SPAG16: variants seen among roughly 807,000 people sequenced by gnomAD.
SPAG16 encodes the protein sperm-associated antigen 16 protein.
Under a neutral mutation model 80.4 loss-of-function variants are expected in SPAG16, and 86 were observed. That is an observed-to-expected ratio of 1.07 (90% CI 0.90 to 1.28). The LOEUF is 1.28. SPAG16 is among the 50% of genes most tolerant of loss of function. SPAG16 has a pLI of 0.00. For missense variants in SPAG16, 870 were observed against 765.3 expected (o/e 1.14, Z -1.61); for synonymous variants, 294 against 265.9 (o/e 1.11, Z -1.03).
chr2:213,533,103 T>G (rs1207376699), intron 10 of SPAG16, among the ~76,000 whole-genome samples: 3 of 152,194 alleles, frequency 2.0e-5, no homozygotes, highest in Non-Finnish European at 4.4e-5. Flanking sequence ...TACTTCTATG[T>G]GTATATGTAG....
At chr2:213,866,326 T>TA (rs1237709740) in intron 11 of SPAG16, among the ~76,000 whole-genome samples, 1 of 151,894 alleles carries the variant, frequency 6.6e-6, no homozygotes, top group African/African-American at 2.4e-5. Flanking sequence ...TGCAAAACTT[T>TA]AAAAAATGAT....
chr2:214,308,406 A>G (rs1695070850), intron 15 of SPAG16, among the ~76,000 whole-genome samples: 1 of 152,074 alleles, frequency 6.6e-6, no homozygotes, highest in Non-Finnish European at 1.5e-5. Flanking sequence ...TAGTATTGGT[A>G]TGTGTGGATT....
chr2:213,987,757 T>C (rs1218139748), intron 12 of SPAG16, among the ~76,000 whole-genome samples: 1 of 150,112 alleles, frequency 6.7e-6, no homozygotes, highest in Non-Finnish European at 1.5e-5. Context: ...TAAATTCTAA[T>C]AAATGGCATA....
At chr2:213,750,752 T>C (rs2068042948) in intron 10 of SPAG16, among the ~76,000 whole-genome samples, 1 of 152,230 alleles carries the variant, frequency 6.6e-6, no homozygotes, top group Non-Finnish European at 1.5e-5. Context: ...ATGTGGAAGG[T>C]GGAAAGCAGT....
chr2:214,280,920 CT>C, intron 15 of SPAG16: 1 of 433,334 alleles, frequency 2.3e-6, no homozygotes, highest in South Asian at 2.0e-5. Context: ...GACATTCTGG[CT>C]GATAATGTGC....
intron 7 of SPAG16, among the ~76,000 whole-genome samples, chr2:213,358,133 G>T (rs1436310772): frequency 6.6e-6 from 1 of 152,174 alleles, no homozygotes; most frequent in Non-Finnish European, 1.5e-5. Context: ...TCTGCTGTTA[G>T]TCTGATGAGC....
chr2:214,161,132 T>C (rs1328713520), intron 15 of SPAG16, among the ~76,000 whole-genome samples: 1 of 152,190 alleles, frequency 6.6e-6, no homozygotes, highest in Non-Finnish European at 1.5e-5. Flanking sequence ...TAACATGATC[T>C]TGTTCCTTTC....
At chr2:213,619,283 A>C (rs2061695526) in intron 10 of SPAG16, among the ~76,000 whole-genome samples, 1 of 152,168 alleles carries the variant, frequency 6.6e-6, no homozygotes, top group Non-Finnish European at 1.5e-5. Context: ...ATGGTTCAGG[A>C]CAGTCAACAA....
intron 15 of SPAG16, among the ~76,000 whole-genome samples, chr2:214,294,979 G>T (rs548274149): frequency 6.6e-6 from 1 of 152,294 alleles, no homozygotes; most frequent in South Asian, 2.1e-4. Flanking sequence ...GAATGATAAT[G>T]CCTGTATCCC....
intron 15 of SPAG16, among the ~76,000 whole-genome samples, chr2:214,228,210 T>A (rs1688414151): frequency 6.6e-6 from 1 of 151,964 alleles, no homozygotes; most frequent in African/African-American, 2.4e-5. Context: ...CAATTATTAT[T>A]CAAGTTTGTT....
intron 10 of SPAG16, among the ~76,000 whole-genome samples, chr2:213,707,307 G>A (rs971429001): frequency 2.6e-5 from 4 of 152,094 alleles, no homozygotes; most frequent in Admixed American, 6.6e-5. Context: ...CATTAAAAAC[G>A]TATTTCTTCA....
chr2:213,871,292 G>T (rs572740382), intron 11 of SPAG16, among the ~76,000 whole-genome samples: 1 of 152,174 alleles, frequency 6.6e-6, no homozygotes, highest in South Asian at 2.1e-4. Flanking sequence ...GAGAGAATAT[G>T]GGGGGAGAGG....
At chr2:213,802,858 A>AG (rs2071506923) in intron 10 of SPAG16, among the ~76,000 whole-genome samples, 1 of 152,094 alleles carries the variant, frequency 6.6e-6, no homozygotes, top group Admixed American at 6.5e-5. Flanking sequence ...AGAAAAAAAA[A>AG]GTAGACTAAA....
At chr2:213,611,164 C>T (rs771489976) in intron 10 of SPAG16, among the ~76,000 whole-genome samples, 7 of 152,196 alleles carry the variant, frequency 4.6e-5, no homozygotes, top group African/African-American at 1.4e-4. Context: ...GGTTCTCCCT[C>T]ATGTGTTGTC....
At chr2:213,672,418 T>G (rs1479130943) in intron 10 of SPAG16, among the ~76,000 whole-genome samples, 1 of 152,030 alleles carries the variant, frequency 6.6e-6, no homozygotes. Flanking sequence ...CTTTCCAACA[T>G]TGCCAACTGA....
intron 3 of SPAG16, among the ~76,000 whole-genome samples, chr2:213,303,906 T>C (rs1348618092): frequency 6.6e-6 from 1 of 152,174 alleles, no homozygotes; most frequent in Non-Finnish European, 1.5e-5. Context: ...GGTAGTAGGA[T>C]TGCTGAATCA....
chr2:213,350,614 C>G lies in SPAG16; in HGVS notation c.731C>G (p.Thr244Ser). ...HHTLLKEKML[T>S]SLERDKVVGQ... ...ACTTTACTGAAGGAGAAAATGCTGA[C>G]CTCCTTGGAAAGAGACAAAGTAGTT... The change falls in exon 7 of 16, where the codon ACC becomes AGC. Residue 244 changes from threonine to serine, a missense_variant. Thr to Ser is a moderately conservative substitution (Grantham distance 58). Transcript: ENST00000331683. The G allele has an allele frequency of 6.2e-7, 1 of 1,601,190 alleles. No homozygotes were observed. The highest frequency in any genetic ancestry group is 2.3e-5 in the East Asian group (1 of 44,384).
intron 15 of SPAG16, among the ~76,000 whole-genome samples, chr2:214,381,870 T>G (rs1362817904): frequency 1.3e-5 from 2 of 152,244 alleles, no homozygotes; most frequent in South Asian, 2.1e-4. Flanking sequence ...GGACAAGCAG[T>G]TCTGCCCCTA....
chr2:213,534,834 C>G (rs1163428391), intron 10 of SPAG16, among the ~76,000 whole-genome samples: 6 of 152,112 alleles, frequency 3.9e-5, no homozygotes, highest in Admixed American at 2.0e-4. Flanking sequence ...TGTTGACATT[C>G]TAACTTCCTG....
Sources: gnomAD v4.1 joint callset for allele counts (sites outside exome capture counted in the v4.1 genomes callset) on GRCh38, gnomAD v4.1.1 for gene constraint, MANE v1.5 for transcripts, NCBI Gene and HGNC (gene_info 2026-07-23, HGNC 2026-07-21) for gene names.